Variants in CATSPERT observed in about 807,000 individuals in gnomAD.
CATSPERT encodes cation channel sperm-associated targeting subunit tau.
the CATSPERT span, among the ~76,000 whole-genome samples, chr2:201,563,141 G>A: frequency 1.7e-5 from 1 of 58,578 alleles, no homozygotes; most frequent in Admixed American, 2.2e-4. Flanking sequence ...GGCCGGGCGG[G>A]GGGCTGACCC....
the CATSPERT span, among the ~76,000 whole-genome samples, chr2:201,541,938 G>A: frequency 4.6e-5 from 7 of 151,698 alleles, no homozygotes; most frequent in South Asian, 6.3e-4. Context: ...CACCCAGGCC[G>A]AAGTACAGTG....
chr2:201,582,319 T>C, the CATSPERT span: 1 of 1,144,616 alleles, frequency 8.7e-7, no homozygotes, highest in South Asian at 1.7e-5. Context: ...CAAATATTAT[T>C]ATGCAAATAC....
chr2:201,612,206 T>G, the CATSPERT span, among the ~76,000 whole-genome samples: 1 of 152,142 alleles, frequency 6.6e-6, no homozygotes, highest in Non-Finnish European at 1.5e-5. Context: ...CTCTAACAAG[T>G]TAAATAATTG....
the CATSPERT span, among the ~76,000 whole-genome samples, chr2:201,573,243 A>G: frequency 6.6e-6 from 1 of 152,234 alleles, no homozygotes; most frequent in African/African-American, 2.4e-5. Context: ...ACATAAAAGT[A>G]TTTGTGGCAA....
the CATSPERT span, among the ~76,000 whole-genome samples, chr2:201,490,523 C>T: frequency 4.6e-5 from 7 of 152,270 alleles, no homozygotes; most frequent in Admixed American, 2.0e-4. Context: ...GGACTGTGTA[C>T]TCTGACTCTC....
the CATSPERT span, among the ~76,000 whole-genome samples, chr2:201,617,845 C>T: frequency 9.2e-5 from 14 of 152,120 alleles, no homozygotes; most frequent in Non-Finnish European, 1.5e-4. Flanking sequence ...CTACAAAGAA[C>T]TGAAACAAAT....
At chr2:201,552,086 C>G in the CATSPERT span, among the ~76,000 whole-genome samples, 3 of 151,586 alleles carry the variant, frequency 2.0e-5, no homozygotes, top group South Asian at 2.1e-4. Context: ...GGCTCCACCC[C>G]CCAGGCCCAA....
chr2:201,494,215 G>A, the CATSPERT span: 1 of 1,535,944 alleles, frequency 6.5e-7, no homozygotes, highest in Non-Finnish European at 8.7e-7. Flanking sequence ...GCTTAGAAGT[G>A]GAGAACTACT....
the CATSPERT span, chr2:201,574,172 T>C: frequency 6.8e-7 from 1 of 1,465,642 alleles, no homozygotes; most frequent in Non-Finnish European, 9.3e-7. Context: ...GACTGAAGAG[T>C]TACAACAGAA....
At chr2:201,541,963 G>A in the CATSPERT span, among the ~76,000 whole-genome samples, 3 of 151,806 alleles carry the variant, frequency 2.0e-5, no homozygotes, top group South Asian at 6.3e-4. Context: ...GATCCTACCT[G>A]ATGCACTGCA....
the CATSPERT span, among the ~76,000 whole-genome samples, chr2:201,498,029 G>C: frequency 6.6e-6 from 1 of 152,178 alleles, no homozygotes; most frequent in Non-Finnish European, 1.5e-5. Flanking sequence ...ATAGTTATTA[G>C]AGATGTAAAA....
chr2:201,516,751 T>C, the CATSPERT span, among the ~76,000 whole-genome samples: 1 of 151,824 alleles, frequency 6.6e-6, no homozygotes, highest in Admixed American at 6.6e-5. Context: ...TGTGGAGATT[T>C]TTTTTCCCCC....
the CATSPERT span, among the ~76,000 whole-genome samples, chr2:201,573,064 A>G: frequency 6.6e-6 from 1 of 152,202 alleles, no homozygotes; most frequent in African/African-American, 2.4e-5. Context: ...GAATACCACA[A>G]AACTGGTGAC....
At chr2:201,497,368 T>C in the CATSPERT span, among the ~76,000 whole-genome samples, 1 of 152,260 alleles carries the variant, frequency 6.6e-6, no homozygotes, top group African/African-American at 2.4e-5. Flanking sequence ...CTTTTGTTTT[T>C]CTTTGCTTAA....
the CATSPERT span, among the ~76,000 whole-genome samples, chr2:201,548,671 G>C: frequency 2.6e-5 from 4 of 152,096 alleles, no homozygotes; most frequent in Non-Finnish European, 4.4e-5. Context: ...GACAGGGAAT[G>C]TTTCCCAGTT....
At chr2:201,493,659 T>C in the CATSPERT span, 1 of 1,537,242 alleles carries the variant, frequency 6.5e-7, no homozygotes, top group East Asian at 2.4e-5. Context: ...GTGTAGGTAA[T>C]TGATTTTCCA....
chr2:201,605,117 C>T, the CATSPERT span, among the ~76,000 whole-genome samples: 1 of 151,660 alleles, frequency 6.6e-6, no homozygotes, highest in Admixed American at 6.6e-5. Flanking sequence ...CACACATATA[C>T]ACACATATAC....
the CATSPERT span, among the ~76,000 whole-genome samples, chr2:201,601,348 TA>T: frequency 6.8e-6 from 1 of 148,116 alleles, no homozygotes; most frequent in East Asian, 2.0e-4. Context: ...AGTTAATCCT[TA>T]AAAAAATAAT....
the CATSPERT span, chr2:201,557,706 C>T: frequency 1.3e-5 from 2 of 152,192 alleles, no homozygotes; most frequent in Non-Finnish European, 2.9e-5. Flanking sequence ...TAACAATATG[C>T]TTAGGTGCTG....
Sources: allele counts gnomAD v4.1 joint callset (sites outside exome capture counted in the v4.1 genomes callset), GRCh38; gene constraint gnomAD v4.1.1; transcripts MANE v1.5; gene names NCBI Gene and HGNC (gene_info 2026-07-23, HGNC 2026-07-21).